Variants in DAPK1 observed in about 807,000 individuals in gnomAD.
DAPK1 encodes the protein death associated protein kinase 1.
DAPK1 carries 56 observed loss-of-function variants against 144.9 expected under a neutral mutation model. The observed-to-expected ratio is 0.39, with a 90% CI of 0.31 to 0.48. The LOEUF is 0.48. Among genes scored for constraint, DAPK1 ranks in the 20% least tolerant of loss-of-function variants. The pLI is 0.95. For missense variants in DAPK1, 1,454 were observed against 1,875.4 expected (o/e 0.78, Z 4.15); for synonymous variants, 690 against 749.0 (o/e 0.92, Z 1.29).
chr9:87,562,895 T>C (rs1826983078), intron 2 of DAPK1, among the ~76,000 whole-genome samples: 2 of 152,346 alleles, frequency 1.3e-5, no homozygotes, highest in African/African-American at 4.8e-5. Flanking sequence ...AAGAGGATTC[T>C]TCCCAGGCAT....
At chr9:87,687,194 C>T (rs36218117) in intron 21 of DAPK1, among the ~76,000 whole-genome samples, 3 of 152,120 alleles carry the variant, frequency 2.0e-5, no homozygotes, top group African/African-American at 7.2e-5. Context: ...ACTATAGTCA[C>T]CCTATTCTGC....
At chr9:87,518,501 C>T (rs932748753) in intron 2 of DAPK1, among the ~76,000 whole-genome samples, 1 of 151,914 alleles carries the variant, frequency 6.6e-6, no homozygotes, top group Non-Finnish European at 1.5e-5. Context: ...TCATTGATGT[C>T]GGCCAGTCAA....
chr9:87,641,035 G>C (rs1425147486), intron 9 of DAPK1, among the ~76,000 whole-genome samples, 188 bp downstream of exon 9: 2 of 152,124 alleles, frequency 1.3e-5, no homozygotes, highest in Non-Finnish European at 2.9e-5. Flanking sequence ...GAGGTGGGGA[G>C]AGAGGAATAA....
At chr9:87,510,082 A>G (rs918399924) in intron 2 of DAPK1, among the ~76,000 whole-genome samples, 4 of 152,172 alleles carry the variant, frequency 2.6e-5, no homozygotes, top group African/African-American at 9.7e-5. Flanking sequence ...ATCCGTTTCA[A>G]TTGTTTGGGA....
chr9:87,642,808 A>G (rs1238779971), intron 10 of DAPK1, among the ~76,000 whole-genome samples: 1 of 147,652 alleles, frequency 6.8e-6, no homozygotes, highest in Non-Finnish European at 1.5e-5. Context: ...TAAAATAGAG[A>G]GAGAGCAACC....
chr9:87,571,458 C>CCCCA (rs1564000670), intron 2 of DAPK1, among the ~76,000 whole-genome samples: 3 of 66,606 alleles, frequency 4.5e-5, no homozygotes, highest in African/African-American at 1.6e-4. Context: ...CACACACACA[C>CCCCA]ACACACACAC....
At chr9:87,578,680 GA>G (rs1323154777) in intron 2 of DAPK1, among the ~76,000 whole-genome samples, 1 of 152,170 alleles carries the variant, frequency 6.6e-6, no homozygotes, top group Non-Finnish European at 1.5e-5. Context: ...AACAAAACCA[GA>G]AAACAATCCC....
intron 2 of DAPK1, among the ~76,000 whole-genome samples, chr9:87,521,920 G>A (rs556781762): frequency 2.2e-4 from 34 of 152,324 alleles, no homozygotes; most frequent in Admixed American, 1.8e-3. Context: ...GGATTAATGC[G>A]TTATCGTGGG....
At chr9:87,556,973 T>A (rs1383108781) in intron 2 of DAPK1, among the ~76,000 whole-genome samples, 2 of 152,174 alleles carry the variant, frequency 1.3e-5, no homozygotes, top group Non-Finnish European at 2.9e-5. Flanking sequence ...TCAGGAACCT[T>A]GGCGGAGGTG....
At chr9:87,668,113 C>G (rs181421403) in intron 18 of DAPK1, 68 of 153,056 alleles carry the variant, frequency 4.4e-4, no homozygotes, top group South Asian at 1.8e-3. Context: ...AATTGCCTGT[C>G]AAACTAAGTA....
intron 2 of DAPK1, among the ~76,000 whole-genome samples, chr9:87,514,660 T>C (rs1824978253): frequency 6.6e-6 from 1 of 152,184 alleles, no homozygotes; most frequent in African/African-American, 2.4e-5. Context: ...CATTAATTGT[T>C]GGATTGAACA....
intron 25 of DAPK1, among the ~76,000 whole-genome samples, chr9:87,703,521 G>A (rs1229270667): frequency 6.6e-6 from 1 of 152,096 alleles, no homozygotes; most frequent in Non-Finnish European, 1.5e-5. Context: ...CACTCCCCCT[G>A]GGCACCAGGA....
intron 21 of DAPK1, among the ~76,000 whole-genome samples, chr9:87,694,616 C>G (rs1007237096): frequency 1.6e-4 from 24 of 152,190 alleles, no homozygotes; most frequent in African/African-American, 5.3e-4. Context: ...GCAGCAGTGG[C>G]TGCAGACAGG....
intron 2 of DAPK1, chr9:87,525,540 A>G (rs2118292688): frequency 9.5e-7 from 1 of 1,047,412 alleles, no homozygotes; most frequent in South Asian, 1.3e-5. Flanking sequence ...AGTTCTTTGT[A>G]CATAAAATAA....
chr9:87,508,950 G>A (rs1325673046), intron 2 of DAPK1, among the ~76,000 whole-genome samples: 3 of 152,182 alleles, frequency 2.0e-5, no homozygotes, highest in Admixed American at 6.5e-5. Flanking sequence ...ATTCAGTTCC[G>A]ATATTTCCAC....
At chr9:87,507,896 G>C (rs752001366) in intron 2 of DAPK1, among the ~76,000 whole-genome samples, 18 of 152,182 alleles carry the variant, frequency 1.2e-4, no homozygotes, top group Non-Finnish European at 2.5e-4. Flanking sequence ...AATGAGGCTG[G>C]CTGGCAAATA....
Position 87,697,029 on chromosome 9 carries a change from G to T in DAPK1, c.2436G>T (p.Trp812Cys). Residue 812 changes from tryptophan (W) to cysteine (C), a missense_variant, in exon 22 of 26, where the codon TGG becomes TGT. Trp to Cys is a radical substitution (Grantham distance 215). Transcript: ENST00000408954. ...YLNGVGDFSV[W>C]EFSGNPVYFC... is the part of the protein sequence containing the mutation. ...TAGGAGTTGGCGATTTCAGCGTGTG[G>T]GAGTTCTCTGGAAATCCTGTGTATT... The T allele has an allele frequency of 6.3e-7, 1 of 1,587,054 alleles. No individual in the cohort carries two copies.
chr9:87,542,397 C>T (rs1826087752), intron 2 of DAPK1, among the ~76,000 whole-genome samples: 1 of 152,160 alleles, frequency 6.6e-6, no homozygotes, highest in African/African-American at 2.4e-5. Flanking sequence ...CTGACAGTGA[C>T]ACAGAGTAAG....
chr9:87,692,952 CTTTTTTTTTTTTTTTTTTTTTTTTTTTTT>C (rs61324273), intron 21 of DAPK1, among the ~76,000 whole-genome samples: 1 of 26,380 alleles, frequency 3.8e-5, no homozygotes, highest in Non-Finnish European at 8.1e-5. Context: ...AGTGACTAGA[CTTTTTTTTTTTTTTTTTTTTTTTTTTTTT>C]TTTTTTTTTT....
Sources: allele counts gnomAD v4.1 joint callset (sites outside exome capture counted in the v4.1 genomes callset), GRCh38; gene constraint gnomAD v4.1.1; transcripts MANE v1.5; gene names NCBI Gene and HGNC (gene_info 2026-07-23, HGNC 2026-07-21).